CWC27: variants seen among roughly 807,000 people sequenced by gnomAD.
The protein encoded by CWC27 is spliceosome-associated protein CWC27 homolog.
CWC27 carries 47 observed loss-of-function variants against 63.6 expected under a neutral mutation model. The ratio of observed to expected loss-of-function variants is 0.74; its 90% confidence interval spans 0.58 to 0.94. CWC27 has a LOEUF of 0.94. Ranked by LOEUF, CWC27 falls within the 40% of genes least tolerant of loss-of-function variation. The probability of loss-of-function intolerance (pLI) is 0.00; values close to 1 mark genes in which losing one functional copy is unlikely to be tolerated. For synonymous variants in CWC27, 175 were observed against 179.8 expected, an observed-to-expected ratio of 0.97 and a Z score of 0.22; for missense variants, 495 against 554.3, an observed-to-expected ratio of 0.89 and a Z score of 1.07.
intron 11 of CWC27, among the ~76,000 whole-genome samples, chr5:64,925,072 T>C (rs1748080971): frequency 1.3e-5 from 2 of 152,190 alleles, no homozygotes; most frequent in Admixed American, 1.3e-4. Flanking sequence ...AAATCTGTTA[T>C]TTAAAACATA....
chr5:65,009,890 A>G (rs73094753), intron 13 of CWC27, among the ~76,000 whole-genome samples: 1,795 of 152,346 alleles, frequency 0.012, 46 homozygotes, highest in African/African-American at 0.041. Context: ...ATGATAATAA[A>G]TGTTTGGATT....
At chr5:64,836,349 T>A (rs1745656972) in intron 10 of CWC27, among the ~76,000 whole-genome samples, 1 of 151,946 alleles carries the variant, frequency 6.6e-6, no homozygotes, top group Non-Finnish European at 1.5e-5. Context: ...CAAATAGCAC[T>A]GATTGCCTGT....
chr5:64,786,518 T>C lies in CWC27; in HGVS notation c.496-6T>C, dbSNP rs566960044. 9 of 1,502,930 alleles carry C rather than the reference T, an allele frequency of 6.0e-6. No homozygotes were observed. The highest frequency in any genetic ancestry group is 2.8e-5 in the African/African-American group (2 of 70,464). 93.1% of individuals were successfully genotyped at this position (1,502,930 alleles called of 1,614,324 possible). A position where few individuals can be genotyped will look rare whatever the true frequency, so the allele number is the denominator to read the frequency against. On this transcript the variant is annotated splice_polypyrimidine_tract_variant and splice_region_variant and intron_variant, in intron 5 of 13. Transcript: ENST00000381070. The stretch of plus-strand genomic sequence containing the variant: ...AATAATGTTTTCGAAATATTTTTTT[T>C]CATAGGTTTTGTTTAATCCTTTTGA...
intron 11 of CWC27, among the ~76,000 whole-genome samples, chr5:64,920,127 A>G (rs1747969219): frequency 6.7e-6 from 1 of 150,174 alleles, no homozygotes. Flanking sequence ...CATCATGCCC[A>G]GCTAATTTTT....
chr5:64,795,506 C>T (rs1308467694), intron 7 of CWC27, among the ~76,000 whole-genome samples: 2 of 152,104 alleles, frequency 1.3e-5, no homozygotes, highest in African/African-American at 4.8e-5. Context: ...TTTCTGGAGT[C>T]TCTGGGGAGA....
chr5:64,845,812 T>C (rs1249309246), intron 10 of CWC27, among the ~76,000 whole-genome samples: 1 of 152,192 alleles, frequency 6.6e-6, no homozygotes, highest in African/African-American at 2.4e-5. Context: ...TCACAAAGCC[T>C]ATTTAAGGAA....
intron 11 of CWC27, among the ~76,000 whole-genome samples, chr5:64,896,555 A>G (rs560689167): frequency 4.5e-4 from 69 of 152,286 alleles, no homozygotes; most frequent in African/African-American, 1.6e-3. Context: ...GAAGGTAAAG[A>G]CACAAGATAA....
intron 7 of CWC27, among the ~76,000 whole-genome samples, chr5:64,798,790 T>G (rs1354954990): frequency 6.6e-6 from 1 of 152,230 alleles, no homozygotes; most frequent in Non-Finnish European, 1.5e-5. Flanking sequence ...TTAAACATTT[T>G]AGTTAACATA....
chr5:64,940,838 CTTTCT>C (rs1748460076), intron 11 of CWC27, among the ~76,000 whole-genome samples: 1 of 115,156 alleles, frequency 8.7e-6, no homozygotes, highest in African/African-American at 3.4e-5. Context: ...TTCTTTCTTT[CTTTCT>C]TTTTTTTTTT....
At chr5:64,807,421 T>G (rs1744722248) in intron 10 of CWC27, among the ~76,000 whole-genome samples, 2 of 152,232 alleles carry the variant, frequency 1.3e-5, no homozygotes, top group African/African-American at 4.8e-5. Flanking sequence ...TAATGTGTTC[T>G]CAACAATGTC....
intron 12 of CWC27, among the ~76,000 whole-genome samples, chr5:64,976,483 A>T (rs182177323): frequency 1.2e-4 from 18 of 152,092 alleles, no homozygotes; most frequent in Admixed American, 8.5e-4. Context: ...TCTTTCTTAT[A>T]GACACTAAAC....
intron 11 of CWC27, among the ~76,000 whole-genome samples, chr5:64,897,004 G>T (rs112947841): frequency 0.017 from 2,547 of 152,188 alleles, 69 homozygotes; most frequent in African/African-American, 0.059. Context: ...CTCAGCTCAG[G>T]AGTTCAATAC....
At chr5:64,825,333 T>C (rs537718476) in intron 10 of CWC27, among the ~76,000 whole-genome samples, 35 of 152,188 alleles carry the variant, frequency 2.3e-4, no homozygotes, top group Non-Finnish European at 4.4e-4. Flanking sequence ...AACTACCTGC[T>C]ACCTTTAAGG....
At chr5:64,931,329 A>G (rs1257118793) in intron 11 of CWC27, among the ~76,000 whole-genome samples, 7 of 152,036 alleles carry the variant, frequency 4.6e-5, no homozygotes, top group African/African-American at 1.7e-4. Flanking sequence ...CATGTGGCAA[A>G]ATGTTAAGAA....
chr5:64,949,831 G>A (rs1339337506), intron 11 of CWC27, among the ~76,000 whole-genome samples: 1 of 151,844 alleles, frequency 6.6e-6, no homozygotes, highest in African/African-American at 2.4e-5. Context: ...TAAGATTCCT[G>A]TCCTGATACT....
At chr5:64,793,992 CTTCA>C (rs1246344920) in intron 7 of CWC27, among the ~76,000 whole-genome samples, 1 of 152,024 alleles carries the variant, frequency 6.6e-6, no homozygotes, top group Non-Finnish European at 1.5e-5. Context: ...GTTAGCTTTC[CTTCA>C]TTATTTATTT....
chr5:64,964,025 T>C (rs77052200), intron 11 of CWC27, among the ~76,000 whole-genome samples: 7,541 of 152,334 alleles, frequency 0.05, 434 homozygotes, highest in African/African-American at 0.13. Context: ...TAAATGACTG[T>C]AATATGTCTA....
chr5:64,782,447 C>CAAATAAATAAAAT (rs1554067435), intron 3 of CWC27, among the ~76,000 whole-genome samples: 1 of 139,766 alleles, frequency 7.2e-6, no homozygotes, highest in African/African-American at 2.6e-5. Flanking sequence ...GACTCCGTCT[C>CAAATAAATAAAAT]AAATAAATAA....
chr5:64,839,181 G>T (rs183885454), intron 10 of CWC27, among the ~76,000 whole-genome samples: 1 of 152,186 alleles, frequency 6.6e-6, no homozygotes, highest in Non-Finnish European at 1.5e-5. Context: ...GGCTTTAAAT[G>T]TGTGAGGTGC....
Sources: allele counts gnomAD v4.1 joint callset (sites outside exome capture counted in the v4.1 genomes callset), GRCh38; gene constraint gnomAD v4.1.1; transcripts MANE v1.5; gene names NCBI Gene and HGNC (gene_info 2026-07-23, HGNC 2026-07-21).